COL14A1: variants seen among roughly 807,000 people sequenced by gnomAD.
COL14A1 encodes the protein collagen type XIV alpha 1 chain.
In COL14A1, 136 loss-of-function variants were observed where a neutral mutation model predicts 230.3. The observed-to-expected ratio is 0.59, with a 90% CI of 0.51 to 0.68. The LOEUF (loss-of-function observed/expected upper bound fraction) is 0.68, where lower values mean the gene tolerates loss of function less well. COL14A1 is among the 30% of genes least tolerant of loss of function. The probability of loss-of-function intolerance (pLI) is 0.00; values close to 1 mark genes in which losing one functional copy is unlikely to be tolerated. For synonymous variants in COL14A1, 792 were observed against 784.1 expected, an observed-to-expected ratio of 1.01 and a Z score of -0.17; for missense variants, 1,976 against 2,215.8, an observed-to-expected ratio of 0.89 and a Z score of 2.17.
chr8:120,296,486 T>C (rs1393904940), intron 34 of COL14A1, among the ~76,000 whole-genome samples: 1 of 151,920 alleles, frequency 6.6e-6, no homozygotes, highest in Non-Finnish European at 1.5e-5. Context: ...TGGCGAAGGA[T>C]GGATAGTACT....
intron 42 of COL14A1, among the ~76,000 whole-genome samples, chr8:120,340,842 T>C (rs1822268974): frequency 6.6e-6 from 1 of 152,200 alleles, no homozygotes; most frequent in Admixed American, 6.5e-5. Flanking sequence ...CTCTGGGATT[T>C]CACTAATCTC....
chr8:120,320,787 G>C (rs1209972377), intron 40 of COL14A1, among the ~76,000 whole-genome samples: 1 of 152,116 alleles, frequency 6.6e-6, no homozygotes, highest in Non-Finnish European at 1.5e-5. Context: ...CAGTGATGAT[G>C]GTATATGCAG....
chr8:120,332,587 T>A, intron 41 of COL14A1, 77 bp from the exon 42 acceptor site: 1 of 1,220,410 alleles, frequency 8.2e-7, no homozygotes, highest in South Asian at 1.3e-5. Flanking sequence ...TATTTGTTAC[T>A]CTTGCTTAAA....
chr8:120,208,456 C>T lies in COL14A1; in HGVS notation c.1321+95C>T, dbSNP rs988785653. The T allele has an allele frequency of 1.7e-5, 22 of 1,319,954 alleles. No individual in the cohort carries two copies. The Admixed American group carries it at 1.9e-4, about 11-fold the overall frequency. The allele number at this position is 1,319,954 out of a possible 1,614,324, so 81.8% of individuals were successfully genotyped here. On this transcript the variant is annotated intron_variant, in intron 11 of 47. Transcript: ENST00000297848. ...ATTCTGCTCAGGTCATGTTGATAGA[C>T]ATCCTGAATCGAATTCAATCAAATT...
intron 4 of COL14A1, among the ~76,000 whole-genome samples, chr8:120,166,875 A>AGAGTGT (rs1491532035): frequency 7.7e-5 from 9 of 116,974 alleles, no homozygotes; most frequent in Non-Finnish European, 1.2e-4. Flanking sequence ...AAAGAATTTA[A>AGAGTGT]GTGTGTGTGT....
Position 120,344,555 on chromosome 8 carries a change from G to A in COL14A1, c.4889-820G>A, listed in dbSNP as rs571834350. Among the ~76,000 whole-genome samples the A allele has an allele frequency of 6.6e-5, 10 of 152,290 alleles. No homozygotes were observed. In the South Asian group the frequency reaches 8.3e-4, roughly 13 times the overall value. On this transcript the variant is annotated intron_variant, in intron 44 of 47. Coordinates refer to ENST00000297848, the MANE Select transcript of COL14A1 (RefSeq NM_021110.4). ...CTAATAACATTGAGTCATCAGGAGC[G>A]GATCCCTACTTACAGTGACAATCCA...
Position 120,314,053 on chromosome 8 carries a change from G to A in COL14A1, c.4551+26G>A, listed in dbSNP as rs368021843. 100 of 1,481,776 alleles carry A rather than the reference G, an allele frequency of 6.7e-5. No individual in the cohort carries two copies. In the African/African-American group the frequency reaches 9.9e-4, roughly 15 times the overall value. The allele number at this position is 1,481,776 out of a possible 1,614,324, so 91.8% of individuals were successfully genotyped here. ...GTGAGTTGTGTTCAAACATTCAGAC[G>A]GGTTTTATTGTTATCTCTTTTCCAT... is the stretch of plus-strand genomic sequence containing the variant. On this transcript the variant is annotated intron_variant, in intron 38 of 47. Coordinates refer to ENST00000297848, the MANE Select transcript of COL14A1 (RefSeq NM_021110.4).
chr8:120,317,347 C>G (rs976482852), intron 40 of COL14A1, among the ~76,000 whole-genome samples: 7 of 151,904 alleles, frequency 4.6e-5, no homozygotes, highest in Admixed American at 6.6e-5. Context: ...TACATCCCCC[C>G]CTTTTTTTTA....
At chr8:120,350,995 C>A (rs1235982742) in intron 45 of COL14A1, among the ~76,000 whole-genome samples, 3 of 150,514 alleles carry the variant, frequency 2.0e-5, no homozygotes, top group East Asian at 3.9e-4. Context: ...AAGTAAAACT[C>A]TCCTCAGCAA....
At chr8:120,126,141 G>T (rs1242351906) in intron 1 of COL14A1, among the ~76,000 whole-genome samples, 6 of 152,140 alleles carry the variant, frequency 3.9e-5, no homozygotes, top group African/African-American at 9.7e-5. Flanking sequence ...CGCACCCCGC[G>T]CCCCCTCAGG....
intron 12 of COL14A1, among the ~76,000 whole-genome samples, chr8:120,211,629 C>A (rs906222949): frequency 1.3e-5 from 2 of 151,968 alleles, no homozygotes; most frequent in South Asian, 4.2e-4. Flanking sequence ...TGATATTTAT[C>A]CAATTTGAGT....
At chr8:120,287,001 A>G (rs1455278880) in intron 33 of COL14A1, among the ~76,000 whole-genome samples, 7 of 152,174 alleles carry the variant, frequency 4.6e-5, no homozygotes, top group Admixed American at 2.0e-4. Context: ...GATGAGCAGA[A>G]CATTTACTAG....
At chr8:120,273,124 T>A (rs903008840) in intron 26 of COL14A1, among the ~76,000 whole-genome samples, 20 of 151,840 alleles carry the variant, frequency 1.3e-4, no homozygotes, top group Admixed American at 7.9e-4. Context: ...AAACTAGAAA[T>A]CAACTCCAAA....
chr8:120,163,297 G>A (rs1815752117), intron 4 of COL14A1, among the ~76,000 whole-genome samples: 1 of 152,184 alleles, frequency 6.6e-6, no homozygotes, highest in South Asian at 2.1e-4. Flanking sequence ...GCTGTGGAGA[G>A]GATAGGCATG....
intron 1 of COL14A1, among the ~76,000 whole-genome samples, chr8:120,144,493 ATCCGTTCTTG>A (rs1563633457): frequency 6.6e-5 from 10 of 152,172 alleles, no homozygotes; most frequent in African/African-American, 2.4e-4. Context: ...AAGGTTCAGC[ATCCGTTCTTG>A]ATTTAAAAAA....
At chr8:120,249,093 A>ATTTTTTT (rs773091250) in intron 21 of COL14A1, among the ~76,000 whole-genome samples, 1 of 127,900 alleles carries the variant, frequency 7.8e-6, no homozygotes, top group Admixed American at 7.9e-5. Flanking sequence ...CGCCCGGCTA[A>ATTTTTTT]TTTTTTTTTT....
At chr8:120,150,197 T>C (rs1175149635) in intron 2 of COL14A1, among the ~76,000 whole-genome samples, 2 of 152,180 alleles carry the variant, frequency 1.3e-5, no homozygotes, top group Non-Finnish European at 1.5e-5. Context: ...GATGGAAAGA[T>C]AGATTGCAGC....
Position 120,168,248 on chromosome 8 carries a change from G to C in COL14A1, c.436+1G>C. On this transcript the variant is annotated splice_donor_variant, in intron 5 of 47. Coordinates refer to ENST00000297848, the MANE Select transcript of COL14A1 (RefSeq NM_021110.4). LOFTEE classifies it high-confidence loss of function. The stretch of plus-strand genomic sequence containing the variant: ...GGGAGTAGACCATCTTCACCAGAAG[G>C]TCAGAGACGATTTTAATTAACTCAT... 6.2e-7 allele frequency: 1 copy of C among 1,605,218 alleles called. No individual in the cohort carries two copies. The highest frequency in any genetic ancestry group is 1.1e-5 in the South Asian group (1 of 90,488).
At chr8:120,360,050 G>C (rs929045177) in intron 45 of COL14A1, among the ~76,000 whole-genome samples, 15 of 152,324 alleles carry the variant, frequency 9.8e-5, no homozygotes, top group African/African-American at 3.4e-4. Context: ...GACCTGAAGT[G>C]CTAACTCCTT....
Sources: gnomAD v4.1 joint callset for allele counts (sites outside exome capture counted in the v4.1 genomes callset) on GRCh38, gnomAD v4.1.1 for gene constraint, MANE v1.5 for transcripts, NCBI Gene and HGNC (gene_info 2026-07-23, HGNC 2026-07-21) for gene names.